WDFY1: variants seen among roughly 807,000 people sequenced by gnomAD.
WDFY1 encodes the protein WD repeat and FYVE domain-containing protein 1.
A neutral mutation model predicts 56.4 loss-of-function variants in WDFY1; 32 were observed. The observed-to-expected ratio is 0.57, with a 90% CI of 0.43 to 0.76. WDFY1 has a LOEUF of 0.76. Among genes scored for constraint, WDFY1 ranks in the 30% least tolerant of loss-of-function variants. WDFY1 has a pLI of 0.00. For synonymous variants in WDFY1, 192 were observed against 197.3 expected, an observed-to-expected ratio of 0.97 and a Z score of 0.23; for missense variants, 480 against 545.7, an observed-to-expected ratio of 0.88 and a Z score of 1.20.
chr2:223,937,169 A>T (rs1694178995), intron 1 of WDFY1, among the ~76,000 whole-genome samples: 1 of 152,222 alleles, frequency 6.6e-6, no homozygotes, highest in Non-Finnish European at 1.5e-5. Context: ...AAAAGGCATG[A>T]CTCAAAGGCA....
At chr2:223,943,041 C>T (rs1689339586) in intron 1 of WDFY1, among the ~76,000 whole-genome samples, 1 of 151,204 alleles carries the variant, frequency 6.6e-6, no homozygotes, top group Non-Finnish European at 1.5e-5. Context: ...ATTAGCTGGG[C>T]GTGGTGGCAG....
At chr2:223,909,790 C>A (rs1380267271) in intron 3 of WDFY1, among the ~76,000 whole-genome samples, 1 of 152,180 alleles carries the variant, frequency 6.6e-6, no homozygotes, top group African/African-American at 2.4e-5. Flanking sequence ...TTCATGGCCA[C>A]TGTCCCTTCA....
At chr2:223,911,454 C>T (rs1406019521) in intron 3 of WDFY1, among the ~76,000 whole-genome samples, 5 of 152,114 alleles carry the variant, frequency 3.3e-5, no homozygotes, top group East Asian at 1.9e-4. Context: ...TACAATTTGA[C>T]GCACAAAAAT....
intron 1 of WDFY1, among the ~76,000 whole-genome samples, chr2:223,920,324 C>T (rs1052327239): frequency 2.0e-5 from 3 of 152,336 alleles, no homozygotes; most frequent in African/African-American, 4.8e-5. Flanking sequence ...TGGGCCCACG[C>T]GGCCAGGCCC....
intron 1 of WDFY1, among the ~76,000 whole-genome samples, chr2:223,941,292 AC>A (rs1388549629): frequency 6.6e-6 from 1 of 152,008 alleles, no homozygotes; most frequent in Non-Finnish European, 1.5e-5. Context: ...AAAAAACAAA[AC>A]AAAACCGGAC....
intron 1 of WDFY1, 86 bp downstream of exon 1, chr2:223,945,062 C>T: frequency 7.0e-7 from 1 of 1,433,186 alleles, no homozygotes; most frequent in Non-Finnish European, 9.2e-7. Flanking sequence ...CCCCCTCACG[C>T]AGGAAGGACC....
intron 5 of WDFY1, 74 bp from the exon 6 acceptor site, chr2:223,899,144 G>GTCAAAGTTAGTTT: frequency 8.3e-7 from 1 of 1,199,244 alleles, no homozygotes; most frequent in East Asian, 2.4e-5. Context: ...ACCAGCATTA[G>GTCAAAGTTAGTTT]TCAAAGTTAG....
chr2:223,895,376 A>G (rs1319228823), intron 7 of WDFY1, 128 bp downstream of exon 7: 1 of 1,382,622 alleles, frequency 7.2e-7, no homozygotes, highest in Admixed American at 1.8e-5. Flanking sequence ...AAGTGAACTG[A>G]GCCCTATCAA....
chr2:223,941,987 C>T (rs948879916), intron 1 of WDFY1, among the ~76,000 whole-genome samples: 3 of 152,128 alleles, frequency 2.0e-5, no homozygotes, highest in Admixed American at 1.3e-4. Context: ...AAACCTCAAA[C>T]GCCAACCCCA....
rs189222878 is a variant in WDFY1, at chr2:223,921,790, C to T, written c.138-3780G>A. On this transcript the variant is annotated intron_variant, in intron 1 of 11. Coordinates refer to ENST00000233055, the MANE Select transcript of WDFY1 (RefSeq NM_020830.5). ...TCCTTTGGGTGTGTTAATGGTGTCG[C>T]TGTTTGTTTTTTAAGAATTAAACGA... Among the ~76,000 whole-genome samples the T allele has an allele frequency of 3.9e-5, 6 of 152,236 alleles. No homozygotes were observed. In the East Asian group the frequency reaches 9.7e-4, roughly 24 times the overall value.
chr2:223,945,331 C>G lies in WDFY1; in HGVS notation c.-47G>C, dbSNP rs2106109748. 2.0e-6 allele frequency: 3 copies of G among 1,515,412 alleles called. No individual in the cohort carries two copies. The highest frequency in any genetic ancestry group is 2.1e-5 in the Admixed American group (1 of 47,174). 93.9% of individuals were successfully genotyped at this position (1,515,412 alleles called of 1,614,324 possible). A position where few individuals can be genotyped will look rare whatever the true frequency, so the allele number is the denominator to read the frequency against. On this transcript the variant is annotated 5_prime_UTR_variant, in exon 1 of 12. Transcript: ENST00000233055. The stretch of plus-strand genomic sequence containing the variant: ...GCCTCCTCGGCAGGCAGCCCATCAG[C>G]TGACGCCTGGGCGGGCGGGGGACGC...
intron 6 of WDFY1, among the ~76,000 whole-genome samples, chr2:223,896,564 G>A (rs1318117456): frequency 6.6e-6 from 1 of 152,128 alleles, no homozygotes; most frequent in African/African-American, 2.4e-5. Context: ...TCTTTCTACA[G>A]GTATATCTTT....
At chr2:223,934,686 A>T (rs1171605234) in intron 1 of WDFY1, among the ~76,000 whole-genome samples, 1 of 151,664 alleles carries the variant, frequency 6.6e-6, no homozygotes, top group African/African-American at 2.4e-5. Flanking sequence ...ATGCCTGGCT[A>T]ATCTTTGTAT....
At chr2:223,883,879 C>T (rs1260495627) in intron 9 of WDFY1, among the ~76,000 whole-genome samples, 8 of 152,142 alleles carry the variant, frequency 5.3e-5, no homozygotes, top group African/African-American at 1.9e-4. Context: ...CTCCTGACCT[C>T]GGGTGATCCA....
rs199708548 is a variant in WDFY1, at chr2:223,878,721, T to C, written c.1183A>G (p.Met395Val). ...AGACTGCAGCCCACCACAGGTGTCA[T>C]GTCCCAGATCTACAAGGAAGGAAGA... ...GTDRIVKIWD[M>V]TPVVGCSLAT... Residue 395 changes from methionine (M) to valine (V), a missense_variant, in exon 12 of 12, where the codon ATG (methionine) becomes GTG (valine). Met to Val is a conservative substitution (Grantham distance 21). Transcript: ENST00000233055. 307 of 1,613,826 alleles carry C rather than the reference T, an allele frequency of 1.9e-4. No individual in the cohort carries two copies. Among genetic ancestry groups the C allele is most frequent in the Non-Finnish European group, 2.5e-4 (292 of 1,179,908 alleles).
rs1693505287 is a variant in WDFY1, at chr2:223,901,328, G to C, written c.340C>G (p.Gln114Glu). 1 of 1,614,068 alleles carries C rather than the reference G, an allele frequency of 6.2e-7. No individual in the cohort carries two copies. Among genetic ancestry groups the C allele is most frequent in the Non-Finnish European group, 8.5e-7 (1 of 1,179,988 alleles). ...AAGATAATCGCAGACACCCGGTTCT[G>C]ATGAGCTGCAGGAACAGAAAGGTGA... ...MNFIKTYPAH[Q>E]NRVSAIIFSL... Residue 114 changes from glutamine (Q) to glutamate (E), a missense_variant, in exon 5 of 12, where the codon CAG becomes GAG. Physicochemically the swap from Gln to Glu is conservative, Grantham distance 29 (BLOSUM62 2). Transcript: ENST00000233055.
chr2:223,891,510 T>A (rs1466841003), intron 8 of WDFY1, among the ~76,000 whole-genome samples: 2 of 151,750 alleles, frequency 1.3e-5, no homozygotes, highest in Non-Finnish European at 2.9e-5. Context: ...CTAAAAATAA[T>A]GCATCTTTTT....
chr2:223,882,183 C>T lies in WDFY1; in HGVS notation c.934-111G>A, dbSNP rs189314693. ...AGGCTGGAGTGCAGTGGCGTGATCT[C>T]GGCTCACTGCAACCTCTGGCGCCCG... On this transcript the variant is annotated intron_variant, in intron 9 of 11. Transcript: ENST00000233055. The T allele has an allele frequency of 1.8e-5, 25 of 1,358,928 alleles. 1 individual carries two copies. The highest frequency in any genetic ancestry group is 2.9e-4 in the Middle Eastern group (1 of 3,460). 84.2% of individuals were successfully genotyped at this position (1,358,928 alleles called of 1,614,324 possible). A position where few individuals can be genotyped will look rare whatever the true frequency, so the allele number is the denominator to read the frequency against.
chr2:223,880,765 A>ATG (rs1553535048), intron 10 of WDFY1, among the ~76,000 whole-genome samples: 1 of 149,540 alleles, frequency 6.7e-6, no homozygotes, highest in Non-Finnish European at 1.5e-5. Flanking sequence ...AAAATAACTG[A>ATG]TTTTTTTTTT....
Sources: gnomAD v4.1 joint callset for allele counts (sites outside exome capture counted in the v4.1 genomes callset) on GRCh38, gnomAD v4.1.1 for gene constraint, MANE v1.5 for transcripts, NCBI Gene and HGNC (gene_info 2026-07-23, HGNC 2026-07-21) for gene names.